RARB: variants seen among roughly 807,000 people sequenced by gnomAD.
The protein encoded by RARB is HBV-activated protein.
Under a neutral mutation model 51.9 loss-of-function variants are expected in RARB, and 17 were observed. The observed-to-expected ratio is 0.33, with a 90% CI of 0.22 to 0.49. The LOEUF is 0.49. Ranked by LOEUF, RARB falls within the 20% of genes least tolerant of loss-of-function variation. The probability of loss-of-function intolerance (pLI) is 0.99; values close to 1 mark genes in which losing one functional copy is unlikely to be tolerated. For synonymous variants in RARB, 215 were observed against 195.4 expected (o/e 1.10, Z -0.84); for missense variants, 369 against 550.8 (o/e 0.67, Z 3.30).
chr3:24,980,257 C>T (rs74804023), intron 2 of RARB, among the ~76,000 whole-genome samples: 1 of 152,058 alleles, frequency 6.6e-6, no homozygotes, highest in Admixed American at 6.6e-5. Flanking sequence ...CTTCGGGTTG[C>T]TCTTCTCAAG....
chr3:25,589,185 TCTGAGAAAAGAGCCATGTGAAGATCAGG>T (rs1287020955), intron 5 of RARB, among the ~76,000 whole-genome samples: 3 of 152,182 alleles, frequency 2.0e-5, no homozygotes, highest in Non-Finnish European at 2.9e-5. Flanking sequence ...TAAGCTGAAC[TCTGAGAAAAGAGCCATGTGAAGATCAGG>T]GAAAAGCACT....
intron 3 of RARB, among the ~76,000 whole-genome samples, chr3:25,087,857 G>A (rs1699129837): frequency 6.6e-6 from 1 of 151,248 alleles, no homozygotes; most frequent in Admixed American, 6.6e-5. Context: ...CCCTGTGATG[G>A]TATTTCCTTT....
At chr3:25,443,663 G>C (rs1708804438) in intron 1 of RARB, among the ~76,000 whole-genome samples, 1 of 151,806 alleles carries the variant, frequency 6.6e-6, no homozygotes, top group African/African-American at 2.4e-5. Flanking sequence ...CGGTTGCGGT[G>C]GCTCATGCCT....
chr3:25,236,843 A>T (rs942699511), intron 5 of RARB, among the ~76,000 whole-genome samples: 1 of 151,844 alleles, frequency 6.6e-6, no homozygotes, highest in Non-Finnish European at 1.5e-5. Context: ...AGTATTATTT[A>T]TCTGGAAGAT....
At chr3:25,545,998 C>A (rs1163073983) in intron 3 of RARB, among the ~76,000 whole-genome samples, 1 of 152,070 alleles carries the variant, frequency 6.6e-6, no homozygotes, top group Non-Finnish European at 1.5e-5. Flanking sequence ...CACATCACAT[C>A]AGTAAAGACT....
chr3:25,068,207 A>C (rs1020225490), intron 3 of RARB, among the ~76,000 whole-genome samples: 3 of 139,632 alleles, frequency 2.1e-5, no homozygotes, highest in Non-Finnish European at 3.1e-5. Flanking sequence ...CAGTCAAAAA[A>C]TCTGTCCCCC....
intron 4 of RARB, among the ~76,000 whole-genome samples, chr3:25,170,734 AT>A (rs1294740620): frequency 6.6e-6 from 1 of 152,236 alleles, no homozygotes; most frequent in Non-Finnish European, 1.5e-5. Context: ...TAGAACAAAA[AT>A]AATTGTGGAA....
chr3:25,194,542 A>G (rs1701185817), intron 5 of RARB, among the ~76,000 whole-genome samples: 1 of 150,762 alleles, frequency 6.6e-6, no homozygotes. Flanking sequence ...TATAATGTAT[A>G]TATCATGTTG....
intron 2 of RARB, among the ~76,000 whole-genome samples, chr3:24,887,771 A>G (rs1038554253): frequency 6.6e-6 from 1 of 152,086 alleles, no homozygotes; most frequent in Admixed American, 6.6e-5. Context: ...GCCTCTTGTC[A>G]CTTGGGAGGA....
chr3:24,848,325 T>C (rs941484305), intron 1 of RARB, among the ~76,000 whole-genome samples: 2 of 152,198 alleles, frequency 1.3e-5, no homozygotes, highest in African/African-American at 4.8e-5. Flanking sequence ...CTTCCCAAAA[T>C]GCTGGGATTA....
At chr3:25,579,163 G>A (rs572206520) in intron 4 of RARB, among the ~76,000 whole-genome samples, 68 of 152,206 alleles carry the variant, frequency 4.5e-4, no homozygotes, top group African/African-American at 1.5e-3. Flanking sequence ...TTTAGATAAG[G>A]TTTACACCAT....
chr3:25,172,342 G>A (rs750279879), intron 4 of RARB, among the ~76,000 whole-genome samples: 7 of 152,110 alleles, frequency 4.6e-5, no homozygotes, highest in Non-Finnish European at 7.4e-5. Context: ...CTGGCTTAGC[G>A]AGGGCTTACT....
At chr3:24,906,346 A>G (rs916847767) in intron 2 of RARB, among the ~76,000 whole-genome samples, 1 of 152,222 alleles carries the variant, frequency 6.6e-6, no homozygotes, top group Non-Finnish European at 1.5e-5. Flanking sequence ...TAGCAGATGC[A>G]GGCAGAATGA....
chr3:25,332,905 A>G (rs1038708962), intron 5 of RARB, among the ~76,000 whole-genome samples: 23 of 152,342 alleles, frequency 1.5e-4, no homozygotes, highest in African/African-American at 5.3e-4. Flanking sequence ...GAGCCAAATC[A>G]TGAGTGAACC....
At chr3:24,916,669 G>GGT (rs1695113002) in intron 2 of RARB, among the ~76,000 whole-genome samples, 1 of 150,140 alleles carries the variant, frequency 6.7e-6, no homozygotes, top group Non-Finnish European at 1.5e-5. Flanking sequence ...AGTATAAAAG[G>GGT]GTATAACCAT....
chr3:25,041,810 C>G (rs760810514), intron 2 of RARB, among the ~76,000 whole-genome samples: 4 of 151,896 alleles, frequency 2.6e-5, no homozygotes, highest in Non-Finnish European at 5.9e-5. Context: ...GGAACTGTCA[C>G]AAATTCAGAA....
chr3:25,024,696 A>G (rs1454677123), intron 2 of RARB, among the ~76,000 whole-genome samples: 2 of 152,200 alleles, frequency 1.3e-5, no homozygotes, highest in African/African-American at 4.8e-5. Context: ...TCATGCCTGT[A>G]ATCCCAGCAC....
chr3:24,969,637 A>C (rs1466536859), intron 2 of RARB, among the ~76,000 whole-genome samples: 1 of 152,110 alleles, frequency 6.6e-6, no homozygotes, highest in African/African-American at 2.4e-5. Flanking sequence ...CAAATTGCCA[A>C]GTAATTTTGT....
At chr3:25,029,417 G>A (rs577918416) in intron 2 of RARB, among the ~76,000 whole-genome samples, 1 of 152,322 alleles carries the variant, frequency 6.6e-6, no homozygotes, top group South Asian at 2.1e-4. Flanking sequence ...GAGTGAATTG[G>A]TCTTGAACTT....
Sources: gnomAD v4.1 joint callset for allele counts (sites outside exome capture counted in the v4.1 genomes callset) on GRCh38, gnomAD v4.1.1 for gene constraint, MANE v1.5 for transcripts, NCBI Gene and HGNC (gene_info 2026-07-23, HGNC 2026-07-21) for gene names.